The following CNTNAP5 variants were observed in gnomAD, a reference collection of about 807,000 sequenced individuals.
The protein encoded by CNTNAP5 is contactin associated protein family member 5, also known as contactin-associated protein-like 5.
Under a neutral mutation model 150.2 loss-of-function variants are expected in CNTNAP5, and 72 were observed. That is an observed-to-expected ratio of 0.48 (90% confidence interval 0.40 to 0.58). CNTNAP5 has a LOEUF of 0.58. Among genes scored for constraint, CNTNAP5 ranks in the 20% least tolerant of loss-of-function variants. CNTNAP5 has a pLI of 0.00. For synonymous variants in CNTNAP5, 672 were observed against 619.8 expected, an observed-to-expected ratio of 1.08 and a Z score of -1.25; for missense variants, 1,636 against 1,626.2, an observed-to-expected ratio of 1.01 and a Z score of -0.10.
chr2:124,158,876 G>A (rs1684609132), intron 1 of CNTNAP5, among the ~76,000 whole-genome samples: 1 of 152,124 alleles, frequency 6.6e-6, no homozygotes. Context: ...TGTGCTAAAG[G>A]TACAAGGCTG....
intron 2 of CNTNAP5, among the ~76,000 whole-genome samples, chr2:124,222,933 T>G (rs558748720): frequency 6.6e-6 from 1 of 152,254 alleles, no homozygotes; most frequent in East Asian, 1.9e-4. Flanking sequence ...TTGAGAAAGC[T>G]GTTTAAGAAT....
chr2:124,789,849 T>G (rs761505536), intron 17 of CNTNAP5, 53 bp from the exon 18 acceptor site: 1 of 1,551,756 alleles, frequency 6.4e-7, no homozygotes, highest in East Asian at 2.3e-5. Flanking sequence ...TAAACCTAAA[T>G]GTATTGAGCC....
intron 1 of CNTNAP5, among the ~76,000 whole-genome samples, chr2:124,093,452 A>G (rs1682860424): frequency 6.6e-6 from 1 of 152,240 alleles, no homozygotes; most frequent in South Asian, 2.1e-4. Context: ...GTTAAAGCAC[A>G]GACAACTCAG....
In CNTNAP5 at chr2:124,448,166, G is replaced by T. The variant is rs1226078594; in HGVS notation, c.918+1229G>T. On this transcript the variant is annotated intron_variant, in intron 6 of 23. Coordinates refer to ENST00000682447, the MANE Select transcript of CNTNAP5 (RefSeq NM_001367498.1). ...GCCTGTAGTTCCTGATACTCAGGAG[G>T]CTGAGGCAGGAGAATTGCTTGAACC... 2.6e-5 allele frequency among the ~76,000 whole-genome samples: 4 copies of T among 152,122 alleles called. No homozygotes were observed. The South Asian group carries it at 8.3e-4, about 32-fold the overall frequency.
intron 19 of CNTNAP5, among the ~76,000 whole-genome samples, chr2:124,832,413 C>T (rs1682735854): frequency 6.6e-6 from 1 of 152,018 alleles, no homozygotes; most frequent in South Asian, 2.1e-4. Flanking sequence ...TTATAGTTTT[C>T]ATTTCAGAAA....
Position 124,327,559 on chromosome 2 carries a change from C to G in CNTNAP5, c.381+85166C>G, listed in dbSNP as rs546277175. Among the ~76,000 whole-genome samples, 4 of 152,300 alleles carry G rather than the reference C, an allele frequency of 2.6e-5. No homozygotes were observed. The South Asian group carries it at 8.3e-4, about 32-fold the overall frequency. On this transcript the variant is annotated intron_variant, in intron 3 of 23. Transcript: ENST00000682447. ...AAATCTGATGAAAAGCATTTACTAT[C>G]TATTCTCTCTGAAGTCTGCTAGCTG...
Position 124,345,091 on chromosome 2 carries a change from A to T in CNTNAP5, c.382-72352A>T, listed in dbSNP as rs528553748. Among the ~76,000 whole-genome samples the T allele has an allele frequency of 2.6e-5, 4 of 152,334 alleles. No homozygotes were observed. In the South Asian group the frequency reaches 8.3e-4, roughly 32 times the overall value. On this transcript the variant is annotated intron_variant, in intron 3 of 23. Coordinates refer to ENST00000682447, the MANE Select transcript of CNTNAP5 (RefSeq NM_001367498.1). ...GTATTAGTTTCTGAGCTCCAGTGGC[A>T]TGAACTAGCTTAATACACGTGGGAG...
intron 21 of CNTNAP5, among the ~76,000 whole-genome samples, chr2:124,897,218 A>G (rs1262113658): frequency 6.6e-6 from 1 of 151,520 alleles, no homozygotes; most frequent in Non-Finnish European, 1.5e-5. Flanking sequence ...CATTTTCCTG[A>G]AAGTTCTTTT....
intron 6 of CNTNAP5, among the ~76,000 whole-genome samples, chr2:124,462,261 G>C (rs1693273224): frequency 6.6e-6 from 1 of 152,166 alleles, no homozygotes; most frequent in South Asian, 2.1e-4. Context: ...TACAAGCACA[G>C]ACTCTGGGGC....
intron 3 of CNTNAP5, among the ~76,000 whole-genome samples, chr2:124,298,592 C>A (rs896057880): frequency 2.6e-5 from 4 of 152,162 alleles, no homozygotes; most frequent in Admixed American, 2.0e-4. Context: ...GGTCCAAGAG[C>A]TGGGGTGATT....
At chr2:124,591,971 G>A (rs1696694560) in intron 11 of CNTNAP5, among the ~76,000 whole-genome samples, 1 of 151,882 alleles carries the variant, frequency 6.6e-6, no homozygotes, top group Admixed American at 6.6e-5. Flanking sequence ...ATAAACATTA[G>A]CATAGTATAC....
chr2:124,618,771 G>A (rs1677542756), intron 12 of CNTNAP5, among the ~76,000 whole-genome samples: 1 of 152,128 alleles, frequency 6.6e-6, no homozygotes, highest in Admixed American at 6.5e-5. Flanking sequence ...AAAACGTCTG[G>A]GGAAAATGAT....
chr2:124,512,626 A>G (rs1694618348), intron 8 of CNTNAP5, among the ~76,000 whole-genome samples: 1 of 152,190 alleles, frequency 6.6e-6, no homozygotes, highest in Non-Finnish European at 1.5e-5. Context: ...GGAGCAAGCA[A>G]TAGTGTTTAT....
At chr2:124,083,814 A>T (rs1393549143) in intron 1 of CNTNAP5, among the ~76,000 whole-genome samples, 2 of 151,890 alleles carry the variant, frequency 1.3e-5, no homozygotes, top group African/African-American at 4.8e-5. Flanking sequence ...TTTTTTTTCA[A>T]AAATTGTTTC....
chr2:124,278,299 G>A (rs1687933112), intron 3 of CNTNAP5, among the ~76,000 whole-genome samples: 1 of 152,042 alleles, frequency 6.6e-6, no homozygotes, highest in Admixed American at 6.6e-5. Flanking sequence ...AAATTAACTT[G>A]AAGATAAAAA....
intron 3 of CNTNAP5, among the ~76,000 whole-genome samples, chr2:124,272,659 G>A (rs1164088113): frequency 1.3e-5 from 2 of 152,152 alleles, no homozygotes; most frequent in East Asian, 1.9e-4. Flanking sequence ...TTAGCTATAT[G>A]CTGATCAGAT....
intron 1 of CNTNAP5, among the ~76,000 whole-genome samples, chr2:124,038,288 T>A (rs961017498): frequency 1.3e-5 from 2 of 152,176 alleles, no homozygotes; most frequent in African/African-American, 4.8e-5. Context: ...TATTCTCAAG[T>A]TCTCATGAGT....
At chr2:124,261,592 G>C (rs924121143) in intron 3 of CNTNAP5, among the ~76,000 whole-genome samples, 1 of 152,094 alleles carries the variant, frequency 6.6e-6, no homozygotes, top group African/African-American at 2.4e-5. Flanking sequence ...AATTCCCAGC[G>C]TCCAGGTGGG....
intron 21 of CNTNAP5, among the ~76,000 whole-genome samples, chr2:124,879,469 G>A (rs1022984345): frequency 6.6e-6 from 1 of 152,082 alleles, no homozygotes; most frequent in Non-Finnish European, 1.5e-5. Flanking sequence ...CTCTTACAAT[G>A]TATTTTTCTC....
Sources: gnomAD v4.1 joint callset for allele counts (sites outside exome capture counted in the v4.1 genomes callset) on GRCh38, gnomAD v4.1.1 for gene constraint, MANE v1.5 for transcripts, NCBI Gene and HGNC (gene_info 2026-07-23, HGNC 2026-07-21) for gene names.